The following ACAP3 variants were observed in gnomAD, a reference collection of about 807,000 sequenced individuals.
ACAP3 encodes the protein ArfGAP with coiled-coil, ankyrin repeat and PH domains 3.
ACAP3 carries 56 observed loss-of-function variants against 104.1 expected under a neutral mutation model. The ratio of observed to expected loss-of-function variants is 0.54; its 90% CI spans 0.43 to 0.67. ACAP3 has a LOEUF of 0.67. Among genes scored for constraint, ACAP3 ranks in the 30% least tolerant of loss-of-function variants. The pLI is 0.00. For missense variants in ACAP3, 1,208 were observed against 1,174.9 expected (o/e 1.03, Z -0.41); for synonymous variants, 628 against 496.2 (o/e 1.27, Z -3.53).
chr1:1,295,095 C>A, intron 19 of ACAP3: 1 of 550,202 alleles, frequency 1.8e-6, no homozygotes, highest in South Asian at 2.3e-5. Context: ...CCGCAGTGGG[C>A]CCCCCAGCCC....
chr1:1,294,829 A>C lies in ACAP3; in HGVS notation c.1814-13T>G. The C allele has an allele frequency of 2.6e-6, 4 of 1,549,312 alleles. No individual in the cohort carries two copies. Among genetic ancestry groups the C allele is most frequent in the Non-Finnish European group, 3.5e-6 (4 of 1,146,410 alleles). On this transcript the variant is annotated splice_polypyrimidine_tract_variant and intron_variant, in intron 19 of 23. Transcript: ENST00000354700. Reference sequence around the variant, plus strand: ...TCGCTACTCAGACCTGCAGGTCCGCAGGGAAGGGGGTCCTGAGGGTGGGAG... The same window carrying C: ...TCGCTACTCAGACCTGCAGGTCCGCCGGGAAGGGGGTCCTGAGGGTGGGAG...
intron 16 of ACAP3, 47 bp downstream of exon 16, chr1:1,296,164 C>G: frequency 6.2e-7 from 1 of 1,605,788 alleles, no homozygotes. Context: ...CCCCAGCTCC[C>G]GCCCCCACAA....
At position 1,298,680 on chromosome 1, in the gene ACAP3, C is replaced by G; in HGVS notation, c.751-1G>C. The G allele has an allele frequency of 6.2e-7, 1 of 1,611,528 alleles. No homozygotes were observed. Among genetic ancestry groups the G allele is most frequent in the Middle Eastern group, 1.7e-4 (1 of 6,054 alleles). The stretch of plus-strand genomic sequence containing the variant: ...CTTTGGACTCATCGTAGGAGAAGTC[C>G]TGGGGGGATGGAACCCGCCCCCTCA... On this transcript the variant is annotated splice_acceptor_variant, in intron 10 of 23. Transcript: ENST00000354700. LOFTEE classifies it high-confidence loss of function.
At position 1,303,079 on chromosome 1, in the gene ACAP3, T is replaced by G. The variant is rs544369841; in HGVS notation, c.225+83A>C. On this transcript the variant is annotated intron_variant, in intron 3 of 23. Transcript: ENST00000354700. This position sits in a 1 kb window ranked among gnomAD's most constrained non-coding sequence, Gnocchi z 4.0. ...GGCGGTGCAGACACCGGCCTGCTTCTGGCCTGGACGCCCTCAAGGGGCTGC... is the reference window on the plus strand; with the variant it reads ...GGCGGTGCAGACACCGGCCTGCTTCGGGCCTGGACGCCCTCAAGGGGCTGC... 13 of 1,551,818 alleles carry G rather than the reference T, an allele frequency of 8.4e-6. No homozygotes were observed. In the East Asian group the frequency reaches 2.9e-4, roughly 34 times the overall value.
At chr1:1,300,447 G>A (rs1641394070) in intron 6 of ACAP3, 62 bp downstream of exon 6, 4 of 1,508,148 alleles carry the variant, frequency 2.7e-6, no homozygotes, top group Non-Finnish European at 3.6e-6. Flanking sequence ...TCTGTACAAG[G>A]CCGTTGAGGC....
chr1:1,300,618 C>T lies in ACAP3; in HGVS notation c.413G>A (p.Arg138Lys). ...CCGGTGCCTCGGGGCCTGGGCGTTC[C>T]TCACCAGGGACAGCTCCAGGTCCTC... ...VREDLELSLV[R>K]NAQAPRHRPH... The change falls in exon 6 of 24, where the codon AGG becomes AAG. Residue 138 changes from arginine to lysine, a missense_variant. Physicochemically the swap from Arg to Lys is conservative, Grantham distance 26 (BLOSUM62 2). Coordinates refer to ENST00000354700, the MANE Select transcript of ACAP3 (RefSeq NM_030649.3). The T allele has an allele frequency of 6.2e-7, 1 of 1,608,452 alleles. No individual in the cohort carries two copies. The highest frequency in any genetic ancestry group is 8.5e-7 in the Non-Finnish European group (1 of 1,178,872).
At chr1:1,294,987 A>G in intron 19 of ACAP3, 171 bp from the exon 20 acceptor site, 1 of 634,322 alleles carries the variant, frequency 1.6e-6, no homozygotes, top group Non-Finnish European at 2.7e-6. Flanking sequence ...AAAGGAGAGA[A>G]AACCAAATAA....
chr1:1,294,675 G>A (rs1338713399), intron 20 of ACAP3, 43 bp downstream of exon 20: 3 of 1,544,152 alleles, frequency 1.9e-6, no homozygotes, highest in Non-Finnish European at 2.6e-6. Context: ...GGGCTGCCCA[G>A]GGGCTGGGCA....
At chr1:1,297,050 G>A (rs1362897375) in intron 14 of ACAP3, among the ~76,000 whole-genome samples, 2 of 148,466 alleles carry the variant, frequency 1.3e-5, no homozygotes, top group Non-Finnish European at 2.9e-5. Context: ...GCTTGCAGGA[G>A]CCACACACAG....
At chr1:1,294,889 G>A in intron 19 of ACAP3, 73 bp from the exon 20 acceptor site, 1 of 1,470,518 alleles carries the variant, frequency 6.8e-7, no homozygotes, top group Non-Finnish European at 9.2e-7. Flanking sequence ...GGGCAAGGCT[G>A]GAACTCCACC....
In ACAP3 at chr1:1,296,428, T is replaced by C; in HGVS notation, c.1334A>G (p.His445Arg). Residue 445 changes from histidine to arginine, a missense_variant, in exon 15 of 24, where the codon CAC (histidine) becomes CGC (arginine). Coordinates refer to ENST00000354700, the MANE Select transcript of ACAP3 (RefSeq NM_030649.3). ...AGCCTGGCCCTCAGGGGCCCACCTG[T>C]GGATGCCGGAGCACTCAATGCAGAG... ...VLLCIECSGI[H>R]RSLGVHCSKV... The C allele has an allele frequency of 6.5e-7, 1 of 1,545,786 alleles. No individual in the cohort carries two copies. Among genetic ancestry groups the C allele is most frequent in the Non-Finnish European group, 8.7e-7 (1 of 1,146,242 alleles).
chr1:1,304,276 C>A, intron 1 of ACAP3, 133 bp from the exon 2 acceptor site: 2 of 1,093,258 alleles, frequency 1.8e-6, no homozygotes, highest in South Asian at 2.9e-5. Flanking sequence ...AGACAGACGC[C>A]TGCCTGCTAC....
At position 1,293,721 on chromosome 1, in the gene ACAP3, A is replaced by G; in HGVS notation, c.2361-13T>C. On this transcript the variant is annotated splice_polypyrimidine_tract_variant and intron_variant, in intron 23 of 23. Transcript: ENST00000354700. Reference sequence around the variant, plus strand: ...CGCCAGACGGAGCCTACGGGGAGGCACAGCGTGAGACGCCCCTGCCCTGGA... The same window carrying G: ...CGCCAGACGGAGCCTACGGGGAGGCGCAGCGTGAGACGCCCCTGCCCTGGA... The G allele has an allele frequency of 3.2e-6, 3 of 944,440 alleles. No homozygotes were observed. Among genetic ancestry groups the G allele is most frequent in the Middle Eastern group, 3.9e-4 (1 of 2,574 alleles). The allele number at this position is 944,440 out of a possible 1,614,324, so 58.5% of individuals were successfully genotyped here. A position where few individuals can be genotyped will look rare whatever the true frequency, so the allele number is the denominator to read the frequency against.
intron 22 of ACAP3, 54 bp downstream of exon 22, chr1:1,294,036 G>C: frequency 1.3e-6 from 2 of 1,496,594 alleles, no homozygotes; most frequent in Admixed American, 2.3e-5. Flanking sequence ...GGCGTAGCCG[G>C]GCCGGGGTAG....
Position 1,298,128 on chromosome 1 carries a change from G to A in ACAP3, c.916-15C>T, listed in dbSNP as rs770743993. ...GTGAGGGCATCCTGTGGGCGGCACC[G>A]CTGTGGCCCCTGCCCTCAGCCACCA... On this transcript the variant is annotated splice_polypyrimidine_tract_variant and intron_variant, in intron 12 of 23. Coordinates refer to ENST00000354700, the MANE Select transcript of ACAP3 (RefSeq NM_030649.3). The A allele has an allele frequency of 1.1e-5, 18 of 1,595,954 alleles. No homozygotes were observed. The East Asian group carries it at 1.8e-4, about 16-fold the overall frequency.
At chr1:1,302,805 C>A (rs865947099) in intron 4 of ACAP3, 117 bp downstream of exon 4, 24 of 330,688 alleles carry the variant, frequency 7.3e-5, no homozygotes, top group South Asian at 2.7e-4. Context: ...TCCCCCCCCC[C>A]CCGACTAGAG....
Position 1,293,510 on chromosome 1 carries a change from G to A in ACAP3, c.*54C>T. ...GGCCGGGTGGGCGCCAGGGACTTCG[G>A]GGCATGCGGGGCGTCGGGCCGGGCG... On this transcript the variant is annotated 3_prime_UTR_variant, in exon 24 of 24. Coordinates refer to ENST00000354700, the MANE Select transcript of ACAP3 (RefSeq NM_030649.3). 1 of 1,382,952 alleles carries A rather than the reference G, an allele frequency of 7.2e-7. No individual in the cohort carries two copies. The highest frequency in any genetic ancestry group is 9.3e-7 in the Non-Finnish European group (1 of 1,077,600). The allele number at this position is 1,382,952 out of a possible 1,614,324, so 85.7% of individuals were successfully genotyped here. A position where few individuals can be genotyped will look rare whatever the true frequency, so the allele number is the denominator to read the frequency against.
Position 1,303,017 on chromosome 1 carries a change from G to A in ACAP3, c.226-42C>T, listed in dbSNP as rs368071557. On this transcript the variant is annotated intron_variant, in intron 3 of 23. Transcript: ENST00000354700. The surrounding 1 kb of genome is among the most constrained non-coding windows in gnomAD (Gnocchi z 4.0). ...GAACCCGTGCTGAGATGGCAAATCC[G>A]GGCCCAGGTCACCCAGCCACGCCCT... The A allele has an allele frequency of 4.5e-5, 71 of 1,588,188 alleles. No individual in the cohort carries two copies. The highest frequency in any genetic ancestry group is 5.3e-5 in the Non-Finnish European group (62 of 1,166,528).
chr1:1,305,360 T>G (rs1250114304), intron 1 of ACAP3: 3 of 152,662 alleles, frequency 2.0e-5, no homozygotes, highest in African/African-American at 7.2e-5. Context: ...CTACCTCAGC[T>G]GGAGGATCCC....
Sources: allele counts gnomAD v4.1 joint callset (sites outside exome capture counted in the v4.1 genomes callset), GRCh38; gene constraint gnomAD v4.1.1; non-coding constraint Gnocchi (gnomAD v3.1); transcripts MANE v1.5; gene names NCBI Gene and HGNC (gene_info 2026-07-23, HGNC 2026-07-21).